CFAP210: variants seen among roughly 807,000 people sequenced by gnomAD.
CFAP210 encodes cilia and flagella associated protein 210.
chr2:169,689,483 TA>T, the CFAP210 span, among the ~76,000 whole-genome samples: 1 of 152,254 alleles, frequency 6.6e-6, no homozygotes, highest in Non-Finnish European at 1.5e-5. Context: ...TCAATGCCAC[TA>T]AACTTTATTA....
the CFAP210 span, among the ~76,000 whole-genome samples, chr2:169,680,091 G>A: frequency 6.6e-6 from 1 of 152,082 alleles, no homozygotes; most frequent in East Asian, 1.9e-4. Context: ...TTTAAAATGG[G>A]AAAAATATTT....
At chr2:169,685,155 C>T in the CFAP210 span, among the ~76,000 whole-genome samples, 1 of 152,190 alleles carries the variant, frequency 6.6e-6, no homozygotes, top group African/African-American at 2.4e-5. Context: ...AGAATTATAA[C>T]TCCATATTTA....
the CFAP210 span, chr2:169,658,496 C>G: frequency 6.5e-6 from 1 of 153,128 alleles, no homozygotes; most frequent in Middle Eastern, 3.2e-3. Flanking sequence ...CTGTAGGTTA[C>G]CTGTTTGAAA....
At chr2:169,653,029 AATATATATATAT>A in the CFAP210 span, among the ~76,000 whole-genome samples, 1,400 of 39,910 alleles carry the variant, frequency 0.035, 51 homozygotes, top group Middle Eastern at 0.083. Flanking sequence ...AAAAAAAAAA[AATATATATATAT>A]ATATATATAT....
chr2:169,671,684 G>T, the CFAP210 span, among the ~76,000 whole-genome samples: 10 of 152,104 alleles, frequency 6.6e-5, no homozygotes, highest in Non-Finnish European at 2.9e-5. Flanking sequence ...TGGTCAAGCT[G>T]GTCTCAAACT....
At chr2:169,657,617 TGAG>T in the CFAP210 span, among the ~76,000 whole-genome samples, 3 of 152,082 alleles carry the variant, frequency 2.0e-5, no homozygotes, top group Admixed American at 2.0e-4. Context: ...CTCGGGAGGC[TGAG>T]GCACAGGAAG....
the CFAP210 span, among the ~76,000 whole-genome samples, chr2:169,669,521 T>A: frequency 1.3e-5 from 2 of 152,132 alleles, no homozygotes; most frequent in Non-Finnish European, 2.9e-5. Context: ...CAACAACCCA[T>A]GTGAATACAT....
the CFAP210 span, among the ~76,000 whole-genome samples, chr2:169,666,351 A>G: frequency 4.0e-5 from 6 of 151,602 alleles, no homozygotes; most frequent in African/African-American, 1.5e-4. Context: ...ACAAGAAAAA[A>G]CAAACAAACA....
the CFAP210 span, among the ~76,000 whole-genome samples, chr2:169,652,265 A>C: frequency 6.6e-6 from 1 of 152,206 alleles, no homozygotes; most frequent in Non-Finnish European, 1.5e-5. Context: ...ACAAAAGATA[A>C]TAAATGCCAT....
At chr2:169,667,169 A>C in the CFAP210 span, among the ~76,000 whole-genome samples, 3 of 129,924 alleles carry the variant, frequency 2.3e-5, no homozygotes, top group Non-Finnish European at 1.6e-5. Context: ...ATGGAGTTTC[A>C]CTCTTGTTGC....
At chr2:169,658,912 C>T in the CFAP210 span, 4 of 169,602 alleles carry the variant, frequency 2.4e-5, no homozygotes, top group South Asian at 5.9e-4. Flanking sequence ...GACTGCTTGA[C>T]CTCAGGAGTT....
the CFAP210 span, among the ~76,000 whole-genome samples, chr2:169,657,842 A>G: frequency 6.6e-6 from 1 of 152,228 alleles, no homozygotes; most frequent in African/African-American, 2.4e-5. Flanking sequence ...AATATGAAAC[A>G]ATTAATACAA....
the CFAP210 span, among the ~76,000 whole-genome samples, chr2:169,671,531 C>T: frequency 1.3e-4 from 20 of 152,184 alleles, no homozygotes; most frequent in Non-Finnish European, 2.1e-4. Context: ...TACAATGGCA[C>T]GATCTTGGCT....
chr2:169,675,108 T>A, the CFAP210 span: 22 of 1,058,450 alleles, frequency 2.1e-5, no homozygotes, highest in African/African-American at 3.5e-4. Context: ...TTTAACATAA[T>A]AATATGATAA....
the CFAP210 span, among the ~76,000 whole-genome samples, chr2:169,671,321 G>A: frequency 2.0e-5 from 3 of 152,142 alleles, no homozygotes; most frequent in Admixed American, 6.6e-5. Flanking sequence ...GAAATTAGGC[G>A]CAGGAACCAG....
At chr2:169,668,950 A>G in the CFAP210 span, among the ~76,000 whole-genome samples, 27 of 152,250 alleles carry the variant, frequency 1.8e-4, no homozygotes, top group African/African-American at 6.5e-4. Flanking sequence ...GGTTGCCACA[A>G]ATCTTCGATT....
the CFAP210 span, chr2:169,694,387 G>A: frequency 1.9e-5 from 29 of 1,529,390 alleles, no homozygotes; most frequent in Middle Eastern, 1.7e-4. Context: ...CCAGCCGGTG[G>A]AGTTGTTACT....
At chr2:169,666,678 T>C in the CFAP210 span, among the ~76,000 whole-genome samples, 1 of 152,066 alleles carries the variant, frequency 6.6e-6, no homozygotes, top group African/African-American at 2.4e-5. Flanking sequence ...CCATATTCAT[T>C]GACTCTTCAC....
At chr2:169,645,783 T>C in the CFAP210 span, 1 of 1,038,288 alleles carries the variant, frequency 9.6e-7, no homozygotes, top group Non-Finnish European at 1.4e-6. Flanking sequence ...AATCCATTTA[T>C]ATTTGAAGCT....
Sources: allele counts gnomAD v4.1 joint callset (sites outside exome capture counted in the v4.1 genomes callset), GRCh38; gene constraint gnomAD v4.1.1; transcripts MANE v1.5; gene names NCBI Gene and HGNC (gene_info 2026-07-23, HGNC 2026-07-21).